MCPH1: variants seen among roughly 807,000 people sequenced by gnomAD.
MCPH1 encodes the protein microcephalin 1.
A neutral mutation model predicts 84.5 loss-of-function variants in MCPH1; 104 were observed. That is an observed-to-expected ratio of 1.23 (90% CI 1.05 to 1.45). The LOEUF is 1.45. Among genes scored for constraint, MCPH1 ranks in the 40% most tolerant of loss-of-function variants. MCPH1 has a pLI of 0.00. For missense variants in MCPH1, 1,498 were observed against 1,005.7 expected, an observed-to-expected ratio of 1.49 and a Z score of -6.62; for synonymous variants, 514 against 366.8, an observed-to-expected ratio of 1.40 and a Z score of -4.58.
At chr8:6,409,529 C>A (rs917461897) in intron 2 of MCPH1, among the ~76,000 whole-genome samples, 159 bp downstream of exon 2, 4 of 152,072 alleles carry the variant, frequency 2.6e-5, no homozygotes, top group African/African-American at 9.7e-5. Context: ...GAATTTAGAA[C>A]AGTAGGACTT....
At chr8:6,422,523 C>G (rs138820933) in intron 3 of MCPH1, among the ~76,000 whole-genome samples, 235 of 152,264 alleles carry the variant, frequency 1.5e-3, no homozygotes, top group Middle Eastern at 6.8e-3. Flanking sequence ...GTAGTGTGTT[C>G]TGCTGAGAGT....
intron 1 of MCPH1, among the ~76,000 whole-genome samples, chr8:6,407,876 G>C (rs1203817370): frequency 6.6e-6 from 1 of 152,100 alleles, no homozygotes; most frequent in African/African-American, 2.4e-5. Context: ...ACATTTTTAA[G>C]TGATTTTAAA....
At chr8:6,539,142 C>T (rs936741174) in intron 12 of MCPH1, among the ~76,000 whole-genome samples, 2 of 152,158 alleles carry the variant, frequency 1.3e-5, no homozygotes, top group African/African-American at 4.8e-5. Flanking sequence ...CTGGGAGATG[C>T]GGATTTTGGG....
In MCPH1 at chr8:6,459,424, C is replaced by T. The variant is rs146429590; in HGVS notation, c.1935+4172C>T. Among the ~76,000 whole-genome samples the T allele has an allele frequency of 4.6e-5, 7 of 152,080 alleles. No individual in the cohort carries two copies. The East Asian group carries it at 5.8e-4, about 13-fold the overall frequency. ...CCAGGTAGTTGGGACTACAGGTGCA[C>T]GCCACATATTTTTATGTATAAGGAC... On this transcript the variant is annotated intron_variant, in intron 9 of 13. Transcript: ENST00000344683.
intron 12 of MCPH1, among the ~76,000 whole-genome samples, chr8:6,587,165 G>T (rs1211858558): frequency 6.6e-6 from 1 of 152,040 alleles, no homozygotes; most frequent in East Asian, 1.9e-4. Flanking sequence ...AGACCAGAAG[G>T]GTGTCTGATG....
At chr8:6,449,771 C>G (rs1472098586) in intron 8 of MCPH1, among the ~76,000 whole-genome samples, 1 of 152,202 alleles carries the variant, frequency 6.6e-6, no homozygotes, top group African/African-American at 2.4e-5. Context: ...GTTTTAACCT[C>G]TGACAGCACA....
At chr8:6,406,838 CT>C in intron 1 of MCPH1, 149 bp downstream of exon 1, 2 of 47,360 alleles carry the variant, frequency 4.2e-5, no homozygotes, top group South Asian at 2.0e-4. Flanking sequence ...CGCCTCCTTC[CT>C]CCCCCGCTGC....
chr8:6,450,377 A>G (rs1804958672), intron 8 of MCPH1, among the ~76,000 whole-genome samples: 1 of 151,882 alleles, frequency 6.6e-6, no homozygotes, highest in African/African-American at 2.4e-5. Flanking sequence ...GAGGCAGACA[A>G]CATTCTATGG....
intron 12 of MCPH1, among the ~76,000 whole-genome samples, chr8:6,561,740 T>C (rs1382140091): frequency 6.6e-6 from 1 of 152,094 alleles, no homozygotes; most frequent in African/African-American, 2.4e-5. Context: ...AATTCCAGGT[T>C]CGTTTTGGAT....
At chr8:6,478,679 C>A (rs1368336704) in intron 10 of MCPH1, among the ~76,000 whole-genome samples, 3 of 152,282 alleles carry the variant, frequency 2.0e-5, no homozygotes, top group East Asian at 3.9e-4. Context: ...AAGCAGCTGC[C>A]AGCCTCAGGA....
chr8:6,600,350 G>A (rs1334088428), intron 12 of MCPH1, among the ~76,000 whole-genome samples: 2 of 152,248 alleles, frequency 1.3e-5, no homozygotes, highest in Non-Finnish European at 2.9e-5. Context: ...TGCTGGCCTG[G>A]CCACCTGTAG....
At chr8:6,497,127 C>T (rs576890190) in intron 11 of MCPH1, among the ~76,000 whole-genome samples, 79 of 151,884 alleles carry the variant, frequency 5.2e-4, no homozygotes, top group South Asian at 2.5e-3. Context: ...CAACATTTAC[C>T]GATATTTAGC....
chr8:6,516,129 A>G (rs1024405513), intron 12 of MCPH1, among the ~76,000 whole-genome samples: 2 of 152,210 alleles, frequency 1.3e-5, no homozygotes, highest in Non-Finnish European at 2.9e-5. Context: ...AATGAAAGTT[A>G]CATTTATTAA....
intron 12 of MCPH1, among the ~76,000 whole-genome samples, chr8:6,557,138 C>G (rs913901407): frequency 6.6e-6 from 1 of 152,222 alleles, no homozygotes; most frequent in African/African-American, 2.4e-5. Context: ...CAGCAGTTTT[C>G]TGCAGTCTTC....
intron 9 of MCPH1, among the ~76,000 whole-genome samples, chr8:6,456,040 C>T (rs375338374): frequency 3.7e-4 from 57 of 152,274 alleles, no homozygotes; most frequent in African/African-American, 1.3e-3. Flanking sequence ...AACCTGACTC[C>T]TTTGCTTCTT....
chr8:6,597,417 TA>T (rs771387626), intron 12 of MCPH1, among the ~76,000 whole-genome samples: 3 of 152,190 alleles, frequency 2.0e-5, no homozygotes, highest in Non-Finnish European at 4.4e-5. Context: ...AGATTTTGGC[TA>T]CAAGTGGCAA....
intron 13 of MCPH1, chr8:6,626,392 C>T (rs1301835321): frequency 1.0e-6 from 1 of 984,614 alleles, no homozygotes; most frequent in Non-Finnish European, 1.2e-6. Context: ...TTCCCTGAAA[C>T]TGTATTGTAC....
intron 12 of MCPH1, among the ~76,000 whole-genome samples, chr8:6,556,109 A>G (rs1191649660): frequency 2.0e-5 from 3 of 151,974 alleles, no homozygotes; most frequent in African/African-American, 7.2e-5. Flanking sequence ...AAGACTAACC[A>G]AGGGTGTCAA....
chr8:6,530,386 G>A (rs918920318), intron 12 of MCPH1, among the ~76,000 whole-genome samples: 1 of 151,856 alleles, frequency 6.6e-6, no homozygotes, highest in African/African-American at 2.4e-5. Context: ...GCCTGCACCT[G>A]TAATCCCAGC....
Sources: allele counts gnomAD v4.1 joint callset (sites outside exome capture counted in the v4.1 genomes callset), GRCh38; gene constraint gnomAD v4.1.1; transcripts MANE v1.5; gene names NCBI Gene and HGNC (gene_info 2026-07-23, HGNC 2026-07-21).